The following SOX6 variants were observed in gnomAD, a reference collection of about 807,000 sequenced individuals.
SOX6 encodes SRY-box transcription factor 6, also known as transcription factor SOX-6.
SOX6 carries 11 observed loss-of-function variants against 97.8 expected under a neutral mutation model. The observed-to-expected ratio is 0.11, with a 90% CI of 0.07 to 0.19. The LOEUF is 0.19. Ranked by LOEUF, SOX6 falls within the 10% of genes least tolerant of loss-of-function variation. The pLI is 1.00. For synonymous variants in SOX6, 360 were observed against 371.4 expected (o/e 0.97, Z 0.35); for missense variants, 810 against 1,039.5 (o/e 0.78, Z 3.04).
chr11:16,684,390 C>T (rs1229104463), intron 3 of SOX6, among the ~76,000 whole-genome samples: 1 of 152,146 alleles, frequency 6.6e-6, no homozygotes, highest in Non-Finnish European at 1.5e-5. Context: ...CCATGGAATA[C>T]TATGCAGCCA....
intron 3 of SOX6, chr11:16,314,814 C>T (rs146164037): frequency 2.7e-4 from 41 of 152,220 alleles, no homozygotes; most frequent in African/African-American, 6.7e-4. Context: ...ATATCTTTTA[C>T]GCTTATCACT....
chr11:16,054,960 G>A (rs1405408462), intron 10 of SOX6, among the ~76,000 whole-genome samples: 3 of 152,098 alleles, frequency 2.0e-5, no homozygotes, highest in African/African-American at 4.8e-5. Context: ...GTTTCAAGAC[G>A]CTGAAAATTA....
intron 3 of SOX6, among the ~76,000 whole-genome samples, chr11:16,677,433 G>A (rs1282987286): frequency 3.3e-5 from 5 of 152,182 alleles, no homozygotes; most frequent in Non-Finnish European, 5.9e-5. Flanking sequence ...TAAAAAACTC[G>A]ATCTTCAAAT....
chr11:16,475,093 C>A (rs1490944083), intron 1 of SOX6, among the ~76,000 whole-genome samples: 1 of 152,210 alleles, frequency 6.6e-6, no homozygotes, highest in African/African-American at 2.4e-5. Context: ...TCAGCCTTCA[C>A]AAAAATTGAA....
chr11:15,974,865 T>A (rs1405804444), intron 15 of SOX6, among the ~76,000 whole-genome samples: 3 of 152,140 alleles, frequency 2.0e-5, no homozygotes, highest in Non-Finnish European at 4.4e-5. Flanking sequence ...CCAATTAACA[T>A]CATGGCCCCA....
chr11:16,631,610 T>A (rs540808450), intron 3 of SOX6, among the ~76,000 whole-genome samples: 4 of 152,208 alleles, frequency 2.6e-5, no homozygotes, highest in South Asian at 2.1e-4. Context: ...ATTTCTTGGA[T>A]CTGGATGTCT....
chr11:16,679,740 TCAAA>T (rs1847912117), intron 3 of SOX6, among the ~76,000 whole-genome samples: 2 of 151,916 alleles, frequency 1.3e-5, no homozygotes. Context: ...AATGGCTAAC[TCAAA>T]CAGTGTAGAG....
chr11:16,668,040 A>G lies in SOX6; in HGVS notation n.429+46790T>C, dbSNP rs187271571. 2.0e-5 allele frequency among the ~76,000 whole-genome samples: 3 copies of G among 152,306 alleles called. No individual in the cohort carries two copies. The East Asian group carries it at 5.8e-4, about 29-fold the overall frequency. ...GTCAAGTTATCAGTTTAAAATAATA[A>G]GTTATAAGATAGTATTTGCAAGCCT... On this transcript the variant is annotated intron_variant and non_coding_transcript_variant, in intron 3 of 5. Coordinates refer to the SOX6 transcript ENST00000524520.
At chr11:16,533,489 T>G (rs956423147) in intron 4 of SOX6, among the ~76,000 whole-genome samples, 2 of 152,172 alleles carry the variant, frequency 1.3e-5, no homozygotes, top group Non-Finnish European at 1.5e-5. Context: ...TTGAAAGTCA[T>G]GTATTAACTT....
At chr11:16,609,935 G>C (rs576824433) in intron 4 of SOX6, among the ~76,000 whole-genome samples, 1 of 152,182 alleles carries the variant, frequency 6.6e-6, no homozygotes. Context: ...TCTGTCTCTA[G>C]GGGCCAGAGC....
At chr11:16,623,713 T>C (rs1368847452) in intron 3 of SOX6, among the ~76,000 whole-genome samples, 1 of 152,238 alleles carries the variant, frequency 6.6e-6, no homozygotes. Context: ...TTTAAGTCTT[T>C]GATCCATCTT....
chr11:16,522,149 A>G (rs1423066697), intron 4 of SOX6, among the ~76,000 whole-genome samples: 4 of 152,260 alleles, frequency 2.6e-5, no homozygotes, highest in East Asian at 1.9e-4. Flanking sequence ...GATACTCCTC[A>G]AGAAGAGCAA....
At chr11:16,155,285 C>T (rs946754280) in intron 6 of SOX6, among the ~76,000 whole-genome samples, 4 of 152,074 alleles carry the variant, frequency 2.6e-5, no homozygotes, top group East Asian at 1.9e-4. Context: ...AGTCTGAATT[C>T]GAGGTCTTCC....
At chr11:16,549,742 A>G (rs1847661582) in intron 4 of SOX6, among the ~76,000 whole-genome samples, 1 of 152,202 alleles carries the variant, frequency 6.6e-6, no homozygotes, top group Admixed American at 6.5e-5. Flanking sequence ...ACATCCATAT[A>G]TTGGAATCTA....
intron 6 of SOX6, among the ~76,000 whole-genome samples, chr11:16,142,864 T>C (rs1850182131): frequency 6.6e-6 from 1 of 151,014 alleles, no homozygotes; most frequent in Non-Finnish European, 1.5e-5. Flanking sequence ...AAAGAGCAAA[T>C]CTACGTCTGA....
intron 1 of SOX6, among the ~76,000 whole-genome samples, chr11:16,474,055 T>C (rs1485779563): frequency 1.3e-5 from 2 of 152,200 alleles, no homozygotes; most frequent in East Asian, 3.9e-4. Context: ...AAGTACTTTC[T>C]TTGTTCATTT....
chr11:15,979,015 A>G (rs1853584379), intron 15 of SOX6, among the ~76,000 whole-genome samples: 1 of 122,564 alleles, frequency 8.2e-6, no homozygotes, highest in South Asian at 2.5e-4. Context: ...TTTTATATAT[A>G]TAACTGCTTA....
At chr11:16,158,505 T>G (rs917233090) in intron 6 of SOX6, among the ~76,000 whole-genome samples, 7 of 152,034 alleles carry the variant, frequency 4.6e-5, no homozygotes, top group African/African-American at 1.7e-4. Flanking sequence ...AAAAATCATA[T>G]GATAAATGTC....
At chr11:16,241,357 T>A (rs1282523437) in intron 3 of SOX6, among the ~76,000 whole-genome samples, 1 of 152,058 alleles carries the variant, frequency 6.6e-6, no homozygotes, top group Non-Finnish European at 1.5e-5. Flanking sequence ...TTTAATGGAA[T>A]AAAAACATTC....
Sources: allele counts gnomAD v4.1 joint callset (sites outside exome capture counted in the v4.1 genomes callset), GRCh38; gene constraint gnomAD v4.1.1; transcripts MANE v1.5; gene names NCBI Gene and HGNC (gene_info 2026-07-23, HGNC 2026-07-21).